MACC1: variants seen among roughly 807,000 people sequenced by gnomAD.
MACC1 encodes the protein metastasis-associated in colon cancer protein 1.
In MACC1, 79 loss-of-function variants were observed where a neutral mutation model predicts 70.7. The ratio of observed to expected loss-of-function variants is 1.12; its 90% CI spans 0.93 to 1.35. The LOEUF is 1.35. MACC1 is among the 40% of genes most tolerant of loss of function. The probability of loss-of-function intolerance (pLI) is 0.00; values close to 1 mark genes in which losing one functional copy is unlikely to be tolerated. For synonymous variants in MACC1, 361 were observed against 347.2 expected (o/e 1.04, Z -0.44); for missense variants, 1,106 against 978.1 (o/e 1.13, Z -1.74).
At chr7:20,150,981 G>A (rs1781967345) in intron 6 of MACC1, among the ~76,000 whole-genome samples, 1 of 151,898 alleles carries the variant, frequency 6.6e-6, no homozygotes, top group South Asian at 2.1e-4. Flanking sequence ...CTGGGAGGTG[G>A]AGGTTACAGA....
rs199845194 is a variant in MACC1 at position 20,174,586 on chromosome 7, C to A, written c.-217-3808G>T. Among the ~76,000 whole-genome samples, 67 of 151,952 alleles carry A rather than the reference C, an allele frequency of 4.4e-4. No homozygotes were observed. In the East Asian group the frequency reaches 0.01, roughly 23 times the overall value. The stretch of plus-strand genomic sequence containing the variant: ...CAGAGTTTTTTAATAAAGAAAAGTA[C>A]GAGAATAAAATAAAATTCTCACCCC... On this transcript the variant is annotated intron_variant, in intron 1 of 6. Coordinates refer to ENST00000400331, the MANE Select transcript of MACC1 (RefSeq NM_182762.4).
intron 1 of MACC1, among the ~76,000 whole-genome samples, chr7:20,201,470 A>C (rs764913556): frequency 8.5e-5 from 13 of 152,148 alleles, no homozygotes; most frequent in Non-Finnish European, 1.6e-4. Flanking sequence ...GGGCAGAGGC[A>C]AGGATGGGGG....
chr7:20,156,730 A>G (rs751845333), intron 5 of MACC1, among the ~76,000 whole-genome samples: 4 of 152,192 alleles, frequency 2.6e-5, no homozygotes, highest in Non-Finnish European at 4.4e-5. Flanking sequence ...GTATCACTGT[A>G]GAATCATCAA....
In MACC1 at chr7:20,161,224, T is replaced by G. The variant is rs1010119338; in HGVS notation, c.115+524A>C. Among the ~76,000 whole-genome samples, 44 of 152,072 alleles carry G rather than the reference T, an allele frequency of 2.9e-4. 1 individual carries two copies. The highest frequency in any genetic ancestry group is 1.9e-4 in the Non-Finnish European group (13 of 67,908). On this transcript the variant is annotated intron_variant, in intron 4 of 6. Transcript: ENST00000400331. ...CCAACCAAATTTTCAGAAGTTCTACTGAAAAAATAATTCAAGCAAACTGTC... is the reference window on the plus strand; with the variant it reads ...CCAACCAAATTTTCAGAAGTTCTACGGAAAAAATAATTCAAGCAAACTGTC...
In MACC1 at chr7:20,152,469, G is replaced by A. The variant is rs377508055; in HGVS notation, c.2346+1724C>T. Among the ~76,000 whole-genome samples the A allele has an allele frequency of 2.6e-4, 39 of 152,256 alleles. No homozygotes were observed. The South Asian group carries it at 8.1e-3, about 32-fold the overall frequency. ...GCATATATTTACCCATTAGTTAAGT[G>A]ACCTCGTACGTAAGATTTCTGTATA... On this transcript the variant is annotated intron_variant, in intron 6 of 6. Transcript: ENST00000400331.
chr7:20,208,598 T>C (rs1364780634), intron 1 of MACC1, among the ~76,000 whole-genome samples: 1 of 152,206 alleles, frequency 6.6e-6, no homozygotes, highest in Admixed American at 6.5e-5. Flanking sequence ...TGGCAAAGCA[T>C]TCAAGAGAAA....
chr7:20,151,070 A>AG (rs1264900766), intron 6 of MACC1, among the ~76,000 whole-genome samples: 31 of 149,986 alleles, frequency 2.1e-4, no homozygotes, highest in African/African-American at 7.3e-4. Flanking sequence ...AAAAAAAAAA[A>AG]GAAAGGAAGT....
At chr7:20,197,281 T>C (rs1427253469) in intron 1 of MACC1, among the ~76,000 whole-genome samples, 1 of 152,216 alleles carries the variant, frequency 6.6e-6, no homozygotes, top group Non-Finnish European at 1.5e-5. Flanking sequence ...CTCCCAGGCC[T>C]ATGTGCAGCA....
intron 1 of MACC1, among the ~76,000 whole-genome samples, chr7:20,204,365 A>G (rs1175642538): frequency 6.6e-6 from 1 of 152,182 alleles, no homozygotes; most frequent in Non-Finnish European, 1.5e-5. Flanking sequence ...CGTGTTAGCC[A>G]GGATGGTCTC....
chr7:20,189,259 C>T (rs189900406), intron 1 of MACC1, among the ~76,000 whole-genome samples: 2 of 152,250 alleles, frequency 1.3e-5, no homozygotes, highest in East Asian at 3.9e-4. Flanking sequence ...ATACAATATG[C>T]TATATATTTG....
intron 5 of MACC1, among the ~76,000 whole-genome samples, chr7:20,157,103 T>C (rs1330588455): frequency 6.6e-6 from 1 of 152,202 alleles, no homozygotes; most frequent in African/African-American, 2.4e-5. Flanking sequence ...GCAAATTGTC[T>C]AACTTTTTAA....
At chr7:20,146,322 C>T (rs1310652191) in intron 6 of MACC1, among the ~76,000 whole-genome samples, 1 of 152,020 alleles carries the variant, frequency 6.6e-6, no homozygotes, top group East Asian at 1.9e-4. Context: ...ATTTTTTCTG[C>T]ATTTTTTATC....
intron 1 of MACC1, among the ~76,000 whole-genome samples, chr7:20,196,482 C>G (rs1307412207): frequency 6.6e-6 from 1 of 152,088 alleles, no homozygotes; most frequent in Non-Finnish European, 1.5e-5. Flanking sequence ...GCCCAGCCAA[C>G]TTTCAGTTTT....
chr7:20,161,494 AC>A (rs1027605524), intron 4 of MACC1, among the ~76,000 whole-genome samples: 2 of 151,784 alleles, frequency 1.3e-5, no homozygotes, highest in South Asian at 2.1e-4. Flanking sequence ...GAGCCTTTTT[AC>A]CCCCAAATTC....
chr7:20,154,119 G>C (rs1358473912), intron 6 of MACC1, 74 bp downstream of exon 6: 27 of 1,478,310 alleles, frequency 1.8e-5, no homozygotes, highest in Non-Finnish European at 9.4e-7. Context: ...CGTGAATGTG[G>C]TATGGGTTTG....
intron 2 of MACC1, among the ~76,000 whole-genome samples, chr7:20,168,225 G>A (rs1331482505): frequency 4.0e-5 from 6 of 151,202 alleles, no homozygotes; most frequent in Non-Finnish European, 8.8e-5. Context: ...ATAACACAAT[G>A]AGTTTAAACA....
At chr7:20,142,297 T>G (rs1448509365) in intron 6 of MACC1, among the ~76,000 whole-genome samples, 2 of 152,206 alleles carry the variant, frequency 1.3e-5, no homozygotes, top group Non-Finnish European at 2.9e-5. Context: ...GGGAGTTCCA[T>G]TATGTATTTG....
At chr7:20,146,945 C>A (rs994643376) in intron 6 of MACC1, among the ~76,000 whole-genome samples, 4 of 152,122 alleles carry the variant, frequency 2.6e-5, no homozygotes, top group Non-Finnish European at 5.9e-5. Context: ...CTGATAAAAG[C>A]ACAAAGTTGT....
chr7:20,196,741 A>G (rs1381783187), intron 1 of MACC1, among the ~76,000 whole-genome samples: 1 of 152,134 alleles, frequency 6.6e-6, no homozygotes, highest in Admixed American at 6.5e-5. Flanking sequence ...ACATATATCT[A>G]TCATGCATGG....
Sources: gnomAD v4.1 joint callset for allele counts (sites outside exome capture counted in the v4.1 genomes callset) on GRCh38, gnomAD v4.1.1 for gene constraint, MANE v1.5 for transcripts, NCBI Gene and HGNC (gene_info 2026-07-23, HGNC 2026-07-21) for gene names.